Variants in CECR2 observed in about 807,000 individuals in gnomAD.
CECR2 encodes chromatin remodeling regulator CECR2.
A neutral mutation model predicts 154.5 loss-of-function variants in CECR2; 30 were observed. The observed-to-expected ratio is 0.19, with a 90% CI of 0.15 to 0.26. CECR2 has a LOEUF of 0.26. Among genes scored for constraint, CECR2 ranks in the 10% least tolerant of loss-of-function variants. CECR2 has a pLI of 1.00. For missense variants in CECR2, 1,743 were observed against 1,829.3 expected (o/e 0.95, Z 0.86); for synonymous variants, 725 against 683.7 (o/e 1.06, Z -0.94).
At chr22:17,489,578 C>T (rs2055488486) in intron 2 of CECR2, among the ~76,000 whole-genome samples, 2 of 152,204 alleles carry the variant, frequency 1.3e-5, no homozygotes, top group African/African-American at 2.4e-5. Flanking sequence ...GCTTCAGCCT[C>T]CTGAGTAGCT....
chr22:17,525,285 CCAAAAAAAAAAAAAAAAAA>C (rs1265859030), intron 9 of CECR2, among the ~76,000 whole-genome samples: 2 of 32,324 alleles, frequency 6.2e-5, no homozygotes, highest in East Asian at 2.9e-3. Context: ...AACTCCATCT[CCAAAAAAAAAAAAAAAAAA>C]AAAAAAAAAA....
rs1382501170 is a variant in CECR2 at position 17,369,642 on chromosome 22, G to C, written c.-142G>C. 4 of 146,910 alleles carry C rather than the reference G, an allele frequency of 2.7e-5. No individual in the cohort carries two copies. The highest frequency in any genetic ancestry group is 6.1e-5 in the Non-Finnish European group (4 of 65,944). The allele number at this position is 146,910 out of a possible 1,614,324, so 9.1% of individuals were successfully genotyped here. A position where few individuals can be genotyped will look rare whatever the true frequency, so the allele number is the denominator to read the frequency against. On this transcript the variant is annotated 5_prime_UTR_variant, in exon 1 of 19. Transcript: ENST00000262608. ...CCCGCCCTCGGCTCCTGCACTCGCC[G>C]AGCGGCGGCAGCAGCGGGAGGAGCG...
chr22:17,401,643 G>A (rs2053893683), intron 1 of CECR2, among the ~76,000 whole-genome samples: 2 of 152,210 alleles, frequency 1.3e-5, no homozygotes, highest in East Asian at 1.9e-4. Flanking sequence ...GCATGCGTCA[G>A]TAGTTGATTC....
At chr22:17,551,742 A>C (rs2056711060) in intron 17 of CECR2, among the ~76,000 whole-genome samples, 1 of 152,166 alleles carries the variant, frequency 6.6e-6, no homozygotes, top group Non-Finnish European at 1.5e-5. Context: ...AGGCTGCAGT[A>C]AACCATGATC....
chr22:17,430,362 C>T (rs2054402936), intron 1 of CECR2, among the ~76,000 whole-genome samples: 2 of 152,304 alleles, frequency 1.3e-5, no homozygotes, highest in Non-Finnish European at 2.9e-5. Flanking sequence ...CCCTCCCTCT[C>T]TTCCCACATG....
chr22:17,527,702 G>A (rs2056287861), intron 9 of CECR2, among the ~76,000 whole-genome samples: 1 of 151,606 alleles, frequency 6.6e-6, no homozygotes, highest in Non-Finnish European at 1.5e-5. Flanking sequence ...GGGAGACAGA[G>A]GTGGCAGTGA....
intron 1 of CECR2, chr22:17,477,076 A>G (rs1418815593): frequency 2.8e-6 from 2 of 714,926 alleles, no homozygotes; most frequent in Non-Finnish European, 5.2e-6. Context: ...CAAAATAAAA[A>G]TTGTCATTAT....
At chr22:17,488,546 C>T (rs535862523) in intron 2 of CECR2, among the ~76,000 whole-genome samples, 1 of 152,274 alleles carries the variant, frequency 6.6e-6, no homozygotes, top group African/African-American at 2.4e-5. Context: ...TGAATGGGAT[C>T]ACACAGTGTG....
At chr22:17,435,703 A>C (rs1036435678) in intron 1 of CECR2, among the ~76,000 whole-genome samples, 3 of 149,758 alleles carry the variant, frequency 2.0e-5, no homozygotes, top group African/African-American at 5.0e-5. Flanking sequence ...AAAAAAAAAA[A>C]AAAAAAACAG....
At chr22:17,459,387 G>A (rs796662317) in intron 1 of CECR2, among the ~76,000 whole-genome samples, 15 of 152,270 alleles carry the variant, frequency 9.9e-5, no homozygotes, top group Admixed American at 9.8e-4. Flanking sequence ...AACTTCCCGG[G>A]TTCAAGCTAT....
chr22:17,525,520 T>C (rs189991022), intron 9 of CECR2, among the ~76,000 whole-genome samples: 162 of 151,364 alleles, frequency 1.1e-3, no homozygotes, highest in African/African-American at 3.6e-3. Context: ...GTGGGAGAAT[T>C]GCTTGAACCC....
At chr22:17,380,899 C>T (rs1022945844) in intron 1 of CECR2, among the ~76,000 whole-genome samples, 2 of 152,210 alleles carry the variant, frequency 1.3e-5, no homozygotes, top group African/African-American at 4.8e-5. Context: ...AACAATGGCA[C>T]TGAGGACAGT....
intron 6 of CECR2, among the ~76,000 whole-genome samples, chr22:17,504,555 G>A (rs1192914379): frequency 5.3e-5 from 8 of 151,850 alleles, no homozygotes; most frequent in African/African-American, 1.7e-4. Context: ...TCCTGCCTCA[G>A]CCTCCCGAGT....
intron 2 of CECR2, among the ~76,000 whole-genome samples, chr22:17,496,499 C>CA (rs1333171401): frequency 2.2e-3 from 230 of 106,114 alleles, no homozygotes; most frequent in African/African-American, 4.5e-3. Flanking sequence ...GACTCTGTCT[C>CA]AAAAAAAAAA....
chr22:17,418,007 C>A (rs2054180942), intron 1 of CECR2, among the ~76,000 whole-genome samples: 3 of 152,240 alleles, frequency 2.0e-5, no homozygotes, highest in South Asian at 4.1e-4. Flanking sequence ...AAAAACCAAT[C>A]ATCTTTGAGG....
chr22:17,508,767 G>A lies in CECR2; in HGVS notation c.871-3046G>A, dbSNP rs186641004. Among the ~76,000 whole-genome samples, 12 of 152,250 alleles carry A rather than the reference G, an allele frequency of 7.9e-5. No individual in the cohort carries two copies. The East Asian group carries it at 1.9e-3, about 24-fold the overall frequency. ...AAACATAACAAAATCACCTAAGAAT[G>A]TGGTTTCTCAAAATATATCCTCATT... On this transcript the variant is annotated intron_variant, in intron 7 of 18. Transcript: ENST00000262608.
chr22:17,483,690 A>G (rs1054355398), intron 2 of CECR2, among the ~76,000 whole-genome samples: 1 of 152,260 alleles, frequency 6.6e-6, no homozygotes, highest in Admixed American at 6.5e-5. Flanking sequence ...GTGAATTTTT[A>G]AATGTCATAG....
rs753466032 is a variant in CECR2 at position 17,548,269 on chromosome 22, A to ACTGTTTC, written c.2983_2984insTGTTTCC (p.Pro995LeufsTer25). On this transcript the variant is annotated frameshift_variant, in exon 17 of 19. Transcript: ENST00000262608. LOFTEE classifies it high-confidence loss of function. ...AGACTGACTGCACCAGGCAGAGCTC[A>ACTGTTTC]CCACAAGAAAGGGAAACAGTGGGCC... is the stretch of plus-strand genomic sequence containing the variant. 1.9e-6 allele frequency: 3 copies of ACTGTTTC among 1,606,634 alleles called. No homozygotes were observed. The Admixed American group carries it at 5.1e-5, about 27-fold the overall frequency.
chr22:17,387,044 C>T, intron 1 of CECR2, among the ~76,000 whole-genome samples: 1 of 152,162 alleles, frequency 6.6e-6, no homozygotes, highest in Non-Finnish European at 1.5e-5. Context: ...CTCTCTGTTA[C>T]ATGTTTAATG....
Sources: gnomAD v4.1 joint callset for allele counts (sites outside exome capture counted in the v4.1 genomes callset) on GRCh38, gnomAD v4.1.1 for gene constraint, MANE v1.5 for transcripts, NCBI Gene and HGNC (gene_info 2026-07-23, HGNC 2026-07-21) for gene names.